CTNNA2: variants seen among roughly 807,000 people sequenced by gnomAD.
CTNNA2 encodes catenin alpha-2.
In CTNNA2, 42 loss-of-function variants were observed where a neutral mutation model predicts 101.0. The ratio of observed to expected loss-of-function variants is 0.42; its 90% confidence interval spans 0.32 to 0.54. The LOEUF (loss-of-function observed/expected upper bound fraction) is 0.54. Among genes scored for constraint, CTNNA2 ranks in the 20% least tolerant of loss-of-function variants. CTNNA2 has a pLI of 0.14. For missense variants in CTNNA2, 871 were observed against 1,223.1 expected (o/e 0.71, Z 4.29); for synonymous variants, 450 against 456.4 (o/e 0.99, Z 0.18).
At chr2:79,364,570 T>G (rs1190003605) in intron 3 of CTNNA2, among the ~76,000 whole-genome samples, 1 of 152,212 alleles carries the variant, frequency 6.6e-6, no homozygotes, top group Non-Finnish European at 1.5e-5. Flanking sequence ...AACCAGCATC[T>G]TGATGGGAAT....
intron 2 of CTNNA2, among the ~76,000 whole-genome samples, chr2:79,740,844 C>T (rs1290276446): frequency 4.1e-5 from 6 of 146,580 alleles, no homozygotes; most frequent in East Asian, 2.0e-4. Flanking sequence ...TTTTTTTTAA[C>T]GTATGGTAAC....
At chr2:79,805,855 G>A (rs540469899) in intron 3 of CTNNA2, among the ~76,000 whole-genome samples, 30 of 151,886 alleles carry the variant, frequency 2.0e-4, no homozygotes, top group African/African-American at 6.0e-4. Context: ...GGAGAATGGC[G>A]TGAACCTGGG....
chr2:79,205,016 G>A (rs1267273952), intron 2 of CTNNA2, among the ~76,000 whole-genome samples: 7 of 152,202 alleles, frequency 4.6e-5, no homozygotes, highest in Middle Eastern at 3.2e-3. Context: ...AGAAAGCAGA[G>A]TTTAGTTTTT....
At chr2:79,679,865 T>C (rs1683439283) in intron 2 of CTNNA2, among the ~76,000 whole-genome samples, 2 of 152,162 alleles carry the variant, frequency 1.3e-5, no homozygotes, top group African/African-American at 4.8e-5. Flanking sequence ...CGATCCCCTA[T>C]TGGAACACAG....
At chr2:79,962,887 T>A (rs1474919054) in intron 7 of CTNNA2, among the ~76,000 whole-genome samples, 11 of 151,894 alleles carry the variant, frequency 7.2e-5, no homozygotes, top group Non-Finnish European at 1.6e-4. Context: ...CTGGGTAACA[T>A]GGTGAAACCC....
intron 1 of CTNNA2, among the ~76,000 whole-genome samples, chr2:79,190,683 AT>A (rs1377210385): frequency 6.6e-6 from 1 of 152,186 alleles, no homozygotes; most frequent in African/African-American, 2.4e-5. Flanking sequence ...TGGGAAAATG[AT>A]GGCTTGACGG....
intron 3 of CTNNA2, among the ~76,000 whole-genome samples, chr2:79,841,154 G>A (rs997818792): frequency 6.6e-6 from 1 of 152,134 alleles, no homozygotes; most frequent in African/African-American, 2.4e-5. Context: ...TGGAGTGCAG[G>A]TGCGATATCA....
chr2:79,812,896 G>C (rs1441764330), intron 3 of CTNNA2, among the ~76,000 whole-genome samples: 1 of 152,118 alleles, frequency 6.6e-6, no homozygotes, highest in Non-Finnish European at 1.5e-5. Flanking sequence ...CTAATGCAGA[G>C]AGAGAAAGCT....
At chr2:79,246,710 C>T (rs1312133187) in intron 2 of CTNNA2, among the ~76,000 whole-genome samples, 1 of 152,204 alleles carries the variant, frequency 6.6e-6, no homozygotes, top group Non-Finnish European at 1.5e-5. Flanking sequence ...ATTAAGGACC[C>T]ACACTAAGTG....
At chr2:80,116,293 T>C (rs1900265) in intron 7 of CTNNA2, among the ~76,000 whole-genome samples, 62,483 of 151,152 alleles carry the variant, frequency 0.41, 13,494 homozygotes, top group South Asian at 0.62. Flanking sequence ...GACTGTGTTC[T>C]GGCTGTTACA....
chr2:79,268,165 G>A (rs554704496), intron 2 of CTNNA2, among the ~76,000 whole-genome samples: 1 of 152,238 alleles, frequency 6.6e-6, no homozygotes, highest in East Asian at 1.9e-4. Flanking sequence ...AGTATCAACA[G>A]GCATGATGAG....
chr2:80,313,619 A>G (rs1225667920), intron 7 of CTNNA2: 1 of 1,610,660 alleles, frequency 6.2e-7, no homozygotes, highest in Non-Finnish European at 8.5e-7. Context: ...AAAAAATATG[A>G]AGACTTCTGA....
At chr2:80,023,813 C>T (rs1471754952) in intron 7 of CTNNA2, among the ~76,000 whole-genome samples, 1 of 152,122 alleles carries the variant, frequency 6.6e-6, no homozygotes, top group Non-Finnish European at 1.5e-5. Context: ...TTTGGCCGGA[C>T]GTGGTGGCTC....
intron 7 of CTNNA2, among the ~76,000 whole-genome samples, chr2:80,371,169 C>T (rs1292541931): frequency 6.6e-6 from 1 of 152,056 alleles, no homozygotes; most frequent in African/African-American, 2.4e-5. Flanking sequence ...TGAGAGTGAC[C>T]TTTCTGCTTC....
At chr2:79,555,864 A>G (rs905312956) in intron 1 of CTNNA2, among the ~76,000 whole-genome samples, 4 of 152,144 alleles carry the variant, frequency 2.6e-5, no homozygotes, top group Admixed American at 6.6e-5. Context: ...TGAAAAATGT[A>G]AATATTGTTG....
chr2:80,021,384 A>G (rs1286329778), intron 7 of CTNNA2, among the ~76,000 whole-genome samples: 1 of 152,116 alleles, frequency 6.6e-6, no homozygotes, highest in African/African-American at 2.4e-5. Flanking sequence ...TGGGACTGGA[A>G]TCATTTGTTC....
chr2:79,309,254 G>A (rs1676313461), intron 2 of CTNNA2, among the ~76,000 whole-genome samples: 1 of 151,870 alleles, frequency 6.6e-6, no homozygotes, highest in Non-Finnish European at 1.5e-5. Flanking sequence ...ACTCCCTCAA[G>A]TTTCAACTGG....
At chr2:79,341,673 T>G (rs138439915) in intron 3 of CTNNA2, among the ~76,000 whole-genome samples, 223 of 152,316 alleles carry the variant, frequency 1.5e-3, no homozygotes, top group African/African-American at 5.1e-3. Flanking sequence ...CTATAATATG[T>G]CTCTCTTCAG....
chr2:80,636,423 G>A (rs1312541875), intron 18 of CTNNA2, among the ~76,000 whole-genome samples: 1 of 152,104 alleles, frequency 6.6e-6, no homozygotes, highest in Admixed American at 6.6e-5. Flanking sequence ...TTTTGAAGGA[G>A]ATAAACACAG....
Sources: gnomAD v4.1 joint callset for allele counts (sites outside exome capture counted in the v4.1 genomes callset) on GRCh38, gnomAD v4.1.1 for gene constraint, MANE v1.5 for transcripts, NCBI Gene and HGNC (gene_info 2026-07-23, HGNC 2026-07-21) for gene names.